The following CSMD1 variants were observed in gnomAD, a reference collection of about 807,000 sequenced individuals.
CSMD1 encodes CUB and sushi domain-containing protein 1.
Under a neutral mutation model 417.5 loss-of-function variants are expected in CSMD1, and 213 were observed. That is an observed-to-expected ratio of 0.51 (90% CI 0.46 to 0.57). The LOEUF (loss-of-function observed/expected upper bound fraction) is 0.57. Among genes scored for constraint, CSMD1 ranks in the 20% least tolerant of loss-of-function variants. The pLI is 0.00. For missense variants in CSMD1, 6,923 were observed against 4,529.7 expected, an observed-to-expected ratio of 1.53 and a Z score of -15.17; for synonymous variants, 2,862 against 1,736.8, an observed-to-expected ratio of 1.65 and a Z score of -16.11.
intron 10 of CSMD1, among the ~76,000 whole-genome samples, chr8:3,510,162 GA>G (rs1431704769): frequency 6.7e-6 from 1 of 149,432 alleles, no homozygotes; most frequent in Non-Finnish European, 1.5e-5. Flanking sequence ...ATGCTTTTGT[GA>G]AAACACTGAG....
chr8:3,066,581 A>C (rs1812950796), intron 49 of CSMD1, among the ~76,000 whole-genome samples: 1 of 152,244 alleles, frequency 6.6e-6, no homozygotes, highest in Admixed American at 6.5e-5. Context: ...TTAATTTCTG[A>C]GGAATTTCAA....
At chr8:4,193,038 G>C (rs905580942) in intron 3 of CSMD1, among the ~76,000 whole-genome samples, 3 of 152,280 alleles carry the variant, frequency 2.0e-5, no homozygotes, top group East Asian at 3.9e-4. Context: ...AATATCTTAA[G>C]TTAATGTCAT....
intron 2 of CSMD1, among the ~76,000 whole-genome samples, chr8:4,609,691 A>G (rs1446413255): frequency 1.3e-5 from 2 of 152,184 alleles, no homozygotes; most frequent in Non-Finnish European, 2.9e-5. Context: ...TGTACAGGAA[A>G]CATTGCCAAT....
At chr8:3,542,955 A>C (rs1195361900) in intron 10 of CSMD1, among the ~76,000 whole-genome samples, 2 of 151,992 alleles carry the variant, frequency 1.3e-5, no homozygotes, top group African/African-American at 4.8e-5. Context: ...ACCCGCTGGC[A>C]GTGAATATGG....
intron 5 of CSMD1, among the ~76,000 whole-genome samples, chr8:3,810,108 C>G (rs977241290): frequency 3.9e-5 from 6 of 152,156 alleles, no homozygotes; most frequent in African/African-American, 1.4e-4. Flanking sequence ...AGCTGTCTTT[C>G]TGCCTTGGTT....
chr8:3,877,327 T>G (rs2975349), intron 5 of CSMD1, among the ~76,000 whole-genome samples: 108,775 of 151,978 alleles, frequency 0.72, 39,452 homozygotes, highest in Middle Eastern at 0.8. Context: ...GGTGTCCAGC[T>G]GTGTCCATGA....
chr8:3,960,032 C>T (rs563851745), intron 5 of CSMD1, among the ~76,000 whole-genome samples: 6 of 152,134 alleles, frequency 3.9e-5, no homozygotes, highest in South Asian at 4.1e-4. Context: ...TTGCAAGGAG[C>T]CTTCTGGGCA....
rs1161338437 is a variant in CSMD1, at chr8:3,380,269, G to A, written c.2782+7225C>T. Among the ~76,000 whole-genome samples the A allele has an allele frequency of 1.3e-5, 2 of 152,268 alleles. 1 individual carries two copies. Among genetic ancestry groups the A allele is most frequent in the Middle Eastern group, 6.8e-3 (2 of 294 alleles). On this transcript the variant is annotated intron_variant, in intron 18 of 69. Coordinates refer to ENST00000635120, the MANE Select transcript of CSMD1 (RefSeq NM_033225.6). The stretch of plus-strand genomic sequence containing the variant: ...TGCTGGAGAGGCTGTGGAGAAACAG[G>A]AACACTTTTACACTGTTGGTGGGAG...
chr8:4,246,957 G>T (rs942393471), intron 3 of CSMD1, among the ~76,000 whole-genome samples: 3 of 152,078 alleles, frequency 2.0e-5, no homozygotes, highest in African/African-American at 4.8e-5. Context: ...GAAAACTATG[G>T]AAACACTTTA....
At chr8:4,123,902 T>A (rs1802620657) in intron 3 of CSMD1, among the ~76,000 whole-genome samples, 1 of 152,162 alleles carries the variant, frequency 6.6e-6, no homozygotes, top group Admixed American at 6.5e-5. Context: ...TGAAATCAGA[T>A]TTCACAATCT....
intron 3 of CSMD1, among the ~76,000 whole-genome samples, chr8:4,398,561 A>AT (rs1325909145): frequency 4.0e-5 from 6 of 150,842 alleles, no homozygotes; most frequent in African/African-American, 7.3e-5. Context: ...GCCCGGCCAA[A>AT]TTTTTTTGTA....
chr8:3,961,189 C>A (rs1263541568), intron 5 of CSMD1, among the ~76,000 whole-genome samples: 1 of 152,050 alleles, frequency 6.6e-6, no homozygotes, highest in Non-Finnish European at 1.5e-5. Flanking sequence ...TGCCTATAAG[C>A]ATGAAAGTCA....
intron 3 of CSMD1, among the ~76,000 whole-genome samples, chr8:4,064,657 C>A (rs1799150900): frequency 6.6e-6 from 1 of 152,324 alleles, no homozygotes; most frequent in South Asian, 2.1e-4. Context: ...ATGGCAGGTA[C>A]ACTCTGTATT....
intron 12 of CSMD1, among the ~76,000 whole-genome samples, chr8:3,425,087 G>A (rs563860848): frequency 8.5e-5 from 13 of 152,236 alleles, no homozygotes; most frequent in African/African-American, 3.1e-4. Flanking sequence ...CAATCCTCCT[G>A]TCCCAGCATC....
At chr8:3,462,724 C>T (rs1394811928) in intron 12 of CSMD1, among the ~76,000 whole-genome samples, 2 of 152,194 alleles carry the variant, frequency 1.3e-5, no homozygotes, top group African/African-American at 4.8e-5. Flanking sequence ...ACCCTGAAAT[C>T]ATCACCTCTC....
intron 2 of CSMD1, among the ~76,000 whole-genome samples, chr8:4,478,853 G>C (rs1286550012): frequency 6.6e-6 from 1 of 152,154 alleles, no homozygotes; most frequent in Admixed American, 6.5e-5. Flanking sequence ...TCCATACTTA[G>C]ATTTTTGAAA....
intron 2 of CSMD1, among the ~76,000 whole-genome samples, chr8:4,636,632 C>G: frequency 6.6e-6 from 1 of 152,268 alleles, no homozygotes; most frequent in East Asian, 1.9e-4. Context: ...ATTTAAATTA[C>G]CTTGACAACT....
chr8:3,188,036 T>G (rs1796166599), intron 35 of CSMD1, 71 bp from the exon 36 acceptor site: 3 of 1,171,582 alleles, frequency 2.6e-6, no homozygotes, highest in Non-Finnish European at 3.7e-6. Context: ...GATGGGGTTT[T>G]GGGGTTTTTC....
At chr8:4,013,699 T>G (rs190665075) in intron 4 of CSMD1, among the ~76,000 whole-genome samples, 34 of 152,356 alleles carry the variant, frequency 2.2e-4, no homozygotes, top group Admixed American at 7.8e-4. Context: ...TTGTTCATAT[T>G]GTAGCCCCAG....
Sources: allele counts gnomAD v4.1 joint callset (sites outside exome capture counted in the v4.1 genomes callset), GRCh38; gene constraint gnomAD v4.1.1; transcripts MANE v1.5; gene names NCBI Gene and HGNC (gene_info 2026-07-23, HGNC 2026-07-21).